Variants in FMNL1 observed in about 807,000 individuals in gnomAD.
FMNL1 encodes formin-like protein 1.
FMNL1 carries 43 observed loss-of-function variants against 121.3 expected under a neutral mutation model. The ratio of observed to expected loss-of-function variants is 0.35; its 90% CI spans 0.28 to 0.46. The LOEUF (loss-of-function observed/expected upper bound fraction) is 0.46. Ranked by LOEUF, FMNL1 falls within the 20% of genes least tolerant of loss-of-function variation. The pLI, the probability that FMNL1 is intolerant of heterozygous loss-of-function variation, is 1.00. For missense variants in FMNL1, 1,191 were observed against 1,482.4 expected (o/e 0.80, Z 3.23); for synonymous variants, 613 against 613.5 (o/e 1.00, Z 0.01).
At position 45,244,986 on chromosome 17, in the gene FMNL1, A is replaced by G; in HGVS notation, c.2606A>G (p.Glu869Gly). 3 of 1,613,376 alleles carry G rather than the reference A, an allele frequency of 1.9e-6. No homozygotes were observed. Among genetic ancestry groups the G allele is most frequent in the Non-Finnish European group, 2.5e-6 (3 of 1,179,436 alleles). ...CAATGGGTCCTTGTGCAGCTGTTGG[A>G]GATGAAGTCGACTGATCGCAAGCAG... The part of the protein sequence containing the change: ...FRLQSLDALL[E>G]MKSTDRKQTL... Residue 869 changes from glutamate (E) to glycine (G), a missense_variant, in exon 21 of 27, where the codon GAG becomes GGG. This residue lies in a region of FMNL1 where 367 missense variants were observed against 528.6 expected (regional missense o/e 0.69). Transcript: ENST00000331495.
chr17:45,232,684 G>C (rs1305094297), intron 3 of FMNL1, among the ~76,000 whole-genome samples: 1 of 152,116 alleles, frequency 6.6e-6, no homozygotes, highest in African/African-American at 2.4e-5. Context: ...TACATCCTGT[G>C]TGTGCTTACA....
At chr17:45,238,534 G>A (rs371120983) in intron 9 of FMNL1, 30 bp from the exon 10 acceptor site, 1 of 1,612,666 alleles carries the variant, frequency 6.2e-7, no homozygotes, top group Non-Finnish European at 8.5e-7. Context: ...GTGTCACTGG[G>A]CCTCAGTGAG....
At chr17:45,244,627 C>T (rs555922822) in intron 19 of FMNL1, among the ~76,000 whole-genome samples, 192 bp from the exon 20 acceptor site, 4 of 152,314 alleles carry the variant, frequency 2.6e-5, no homozygotes, top group East Asian at 1.9e-4. Context: ...TGGTGTTAAC[C>T]GTGCACATGT....
intron 15 of FMNL1, 84 bp downstream of exon 15, chr17:45,242,230 T>G: frequency 2.6e-6 from 4 of 1,566,932 alleles, no homozygotes; most frequent in Non-Finnish European, 3.5e-6. Flanking sequence ...CAGGGTCCTC[T>G]GCCTGGGGGC....
Position 45,241,976 on chromosome 17 carries a change from C to T in FMNL1, c.1715C>T (p.Pro572Leu). 1 of 1,316,168 alleles carries T rather than the reference C, an allele frequency of 7.6e-7. No individual in the cohort carries two copies. Among genetic ancestry groups the T allele is most frequent in the Non-Finnish European group, 9.7e-7 (1 of 1,035,028 alleles). 81.5% of individuals were successfully genotyped at this position (1,316,168 alleles called of 1,614,324 possible). Residue 572 changes from proline (P) to leucine (L), a missense_variant, in exon 15 of 27, where the codon CCG becomes CTG. Around this residue, in one of 4 missense-constraint regions of FMNL1, gnomAD observed 519 missense variants for 492.8 expected, o/e 1.05. Transcript: ENST00000331495. This position sits in a 1 kb window ranked among gnomAD's most constrained non-coding sequence, Gnocchi z 7.0. Reference protein sequence around the residue: ...PPQAPPLPGSPEPPPAPPLPG... With the variant: ...PPQAPPLPGSLEPPPAPPLPG... ...CAGGCCCCGCCTCTCCCTGGCAGCC[C>T]GGAGCCCCCGCCTGCGCCGCCGCTG...
chr17:45,238,920 A>G, intron 10 of FMNL1, 35 bp from the exon 11 acceptor site: 1 of 1,574,176 alleles, frequency 6.4e-7, no homozygotes, highest in African/African-American at 1.3e-5. Flanking sequence ...CCCCACCTAG[A>G]GGATCATAGA....
intron 1 of FMNL1, among the ~76,000 whole-genome samples, chr17:45,225,883 A>G (rs2043319466): frequency 6.6e-6 from 1 of 152,106 alleles, no homozygotes; most frequent in Admixed American, 6.6e-5. Context: ...GCCTCCTAGG[A>G]TTGTCGAGAG....
rs867891866 is a variant in FMNL1, at chr17:45,233,240, A to G, written c.344A>G (p.Gln115Arg). The G allele has an allele frequency of 1.3e-6, 2 of 1,559,272 alleles. No homozygotes were observed. The highest frequency in any genetic ancestry group is 1.7e-6 in the Non-Finnish European group (2 of 1,151,646). The change falls in exon 4 of 27, where the codon CAG becomes CGG. Residue 115 changes from glutamine to arginine, a missense_variant. Transcript: ENST00000331495. This position sits in a 1 kb window ranked among gnomAD's most constrained non-coding sequence, Gnocchi z 4.1. ...MSNLGFKRRV[Q>R]ESTQVLRELE... ...GGTCCCCAGTTTAAGAGGCGAGTTC[A>G]GGAGTCCACGCAGGTGCTACGGGAG...
At position 45,237,629 on chromosome 17, in the gene FMNL1, A is replaced by G. The variant is rs1416891635; in HGVS notation, c.884A>G (p.Asn295Ser). The change falls in exon 9 of 27, where the codon AAC becomes AGC. Residue 295 changes from asparagine (N) to serine (S), a missense_variant. Around this residue, in one of 4 missense-constraint regions of FMNL1, gnomAD observed 253 missense variants for 417.5 expected, o/e 0.61. Transcript: ENST00000331495. This position sits in a 1 kb window ranked among gnomAD's most constrained non-coding sequence, Gnocchi z 4.4. ...GACATCATCCTTGCAGCCTTTGACA[A>G]CTTCAAGGAGGTACCGGAGTCCCTC... ...GHDIILAAFD[N>S]FKEVCGEQHR... The G allele has an allele frequency of 1.1e-5, 17 of 1,614,026 alleles. No homozygotes were observed. Among genetic ancestry groups the G allele is most frequent in the Non-Finnish European group, 1.4e-5 (16 of 1,179,964 alleles).
chr17:45,224,478 A>C (rs1171441452), intron 1 of FMNL1, among the ~76,000 whole-genome samples: 1 of 152,194 alleles, frequency 6.6e-6, no homozygotes, highest in African/African-American at 2.4e-5. Flanking sequence ...CACCGCCATC[A>C]GTGGTCCCCA....
rs2043789628 is a variant in FMNL1 at position 45,244,746 on chromosome 17, C to T, written c.2518-73C>T. On this transcript the variant is annotated intron_variant, in intron 19 of 26. Transcript: ENST00000331495. ...GGCCTGCTCCTTGCCACCTCTTCTC[C>T]TCCTTGTGCAATATGCTTAAGCGGT... 9 of 1,497,144 alleles carry T rather than the reference C, an allele frequency of 6.0e-6. No individual in the cohort carries two copies. The South Asian group carries it at 7.6e-5, about 13-fold the overall frequency. 92.7% of individuals were successfully genotyped at this position (1,497,144 alleles called of 1,614,324 possible). A position where few individuals can be genotyped will look rare whatever the true frequency, so the allele number is the denominator to read the frequency against.
chr17:45,244,302 A>G (rs1356880438), intron 19 of FMNL1, 58 bp downstream of exon 19: 3 of 1,546,330 alleles, frequency 1.9e-6, no homozygotes, highest in Non-Finnish European at 2.6e-6. Context: ...TGAGAGGGAG[A>G]CCCAGGCCCT....
intron 11 of FMNL1, among the ~76,000 whole-genome samples, chr17:45,239,993 G>A (rs926460232): frequency 2.0e-5 from 3 of 152,140 alleles, no homozygotes; most frequent in South Asian, 2.1e-4. Context: ...GTTTCACCAC[G>A]TTGGCCAGGT....
In FMNL1 at chr17:45,244,256, G is replaced by A; in HGVS notation, c.2517+12G>A. 6.2e-7 allele frequency: 1 copy of A among 1,606,904 alleles called. No homozygotes were observed. The highest frequency in any genetic ancestry group is 8.5e-7 in the Non-Finnish European group (1 of 1,176,680). ...GCCAGATCCTGGAGGTGAGGGGCCA[G>A]GAGGTGGGGCCCACCCTTGCCTGTT... On this transcript the variant is annotated intron_variant, in intron 19 of 26. Transcript: ENST00000331495.
At position 45,242,179 on chromosome 17, in the gene FMNL1, TG is replaced by T. The variant is rs774892588; in HGVS notation, c.1885+39del. ...GAGTGGACCACCTTGGGCCCGGGGC[TG>T]GGGGGAGATGGAGGGAGGGGCCTGG... On this transcript the variant is annotated intron_variant, in intron 15 of 26. Transcript: ENST00000331495. 41 of 1,527,990 alleles carry T rather than the reference TG, an allele frequency of 2.7e-5. No individual in the cohort carries two copies. The African/African-American group carries it at 5.1e-4, about 19-fold the overall frequency. The allele number at this position is 1,527,990 out of a possible 1,614,324, so 94.7% of individuals were successfully genotyped here. A position where few individuals can be genotyped will look rare whatever the true frequency, so the allele number is the denominator to read the frequency against.
rs767106750 is a variant in FMNL1 at position 45,243,172 on chromosome 17, A to G, written c.2065A>G (p.Ser689Gly). The change falls in exon 17 of 27, where the codon AGC becomes GGC. Residue 689 changes from serine (S) to glycine (G), a missense_variant. Coordinates refer to ENST00000331495, the MANE Select transcript of FMNL1 (RefSeq NM_005892.4). ...EQFKTKSQGPSLDLSALKSKA... is the reference protein window; with the variant it reads ...EQFKTKSQGPGLDLSALKSKA... ...GTTCAAGACCAAGTCCCAAGGCCCC[A>G]GCCTGGACCTCAGCGCTCTCAAGAG... 26 of 1,614,212 alleles carry G rather than the reference A, an allele frequency of 1.6e-5. No individual in the cohort carries two copies. The East Asian group carries it at 5.8e-4, about 36-fold the overall frequency.
intron 1 of FMNL1, among the ~76,000 whole-genome samples, chr17:45,223,902 G>A (rs2043280491): frequency 6.6e-6 from 1 of 152,204 alleles, no homozygotes; most frequent in South Asian, 2.1e-4. Flanking sequence ...AAGTCAAATG[G>A]TGAGGTTCTG....
At chr17:45,226,252 G>T (rs947898746) in intron 1 of FMNL1, among the ~76,000 whole-genome samples, 1 of 152,206 alleles carries the variant, frequency 6.6e-6, no homozygotes, top group African/African-American at 2.4e-5. Flanking sequence ...TGGTGCTAAC[G>T]GTAGCAGTGT....
rs2043582940 is a variant in FMNL1, at chr17:45,237,726, G to A, written c.894+87G>A. On this transcript the variant is annotated intron_variant, in intron 9 of 26. Coordinates refer to ENST00000331495, the MANE Select transcript of FMNL1 (RefSeq NM_005892.4). The surrounding 1 kb of genome is among the most constrained non-coding windows in gnomAD (Gnocchi z 4.4). ...TTGGCAGTTGTGGCCTTTGCTGGAG[G>A]CAGCTGGGGACATTGGGTGGGCATT... 2 of 1,455,780 alleles carry A rather than the reference G, an allele frequency of 1.4e-6. No individual in the cohort carries two copies. The highest frequency in any genetic ancestry group is 1.9e-6 in the Non-Finnish European group (2 of 1,045,734). 90.2% of individuals were successfully genotyped at this position (1,455,780 alleles called of 1,614,324 possible).
Sources: gnomAD v4.1 joint callset for allele counts (sites outside exome capture counted in the v4.1 genomes callset) on GRCh38, gnomAD v4.1.1 for gene constraint, gnomAD v4.1.1 regional missense constraint, Gnocchi (gnomAD v3.1) non-coding constraint, MANE v1.5 for transcripts, NCBI Gene and HGNC (gene_info 2026-07-23, HGNC 2026-07-21) for gene names.